THSD7A: variants seen among roughly 807,000 people sequenced by gnomAD.
The protein encoded by THSD7A is thrombospondin type-1 domain-containing protein 7A.
Under a neutral mutation model 231.3 loss-of-function variants are expected in THSD7A, and 96 were observed. That is an observed-to-expected ratio of 0.41 (90% CI 0.35 to 0.49). The LOEUF (loss-of-function observed/expected upper bound fraction) is 0.49. Ranked by LOEUF, THSD7A falls within the 20% of genes least tolerant of loss-of-function variation. THSD7A has a pLI of 0.05. For missense variants in THSD7A, 2,290 were observed against 2,070.2 expected, an observed-to-expected ratio of 1.11 and a Z score of -2.06; for synonymous variants, 940 against 743.3, an observed-to-expected ratio of 1.26 and a Z score of -4.30.
intron 6 of THSD7A, among the ~76,000 whole-genome samples, chr7:11,509,618 G>C (rs549778224): frequency 2.8e-4 from 42 of 151,324 alleles, no homozygotes; most frequent in African/African-American, 9.9e-4. Context: ...GGATCACGAG[G>C]TCAGGAGATC....
chr7:11,712,274 C>T (rs1263093532), intron 1 of THSD7A, among the ~76,000 whole-genome samples: 2 of 150,994 alleles, frequency 1.3e-5, no homozygotes, highest in Non-Finnish European at 3.0e-5. Context: ...GTAATAAACA[C>T]TCATATTACA....
intron 2 of THSD7A, among the ~76,000 whole-genome samples, chr7:11,605,842 G>A (rs2128346678): frequency 6.6e-6 from 1 of 152,204 alleles, no homozygotes; most frequent in East Asian, 1.9e-4. Flanking sequence ...GTGGCTACAG[G>A]AAGCTATGTT....
intron 1 of THSD7A, among the ~76,000 whole-genome samples, chr7:11,650,550 C>T (rs1249031179): frequency 6.6e-6 from 1 of 152,018 alleles, no homozygotes; most frequent in Admixed American, 6.6e-5. Flanking sequence ...AACATTAATT[C>T]CCTCACAACT....
In THSD7A at chr7:11,716,466, C is replaced by T. The variant is rs189542790; in HGVS notation, c.191-79505G>A. On this transcript the variant is annotated intron_variant, in intron 1 of 27. Coordinates refer to ENST00000423059, the MANE Select transcript of THSD7A (RefSeq NM_015204.3). ...GCTCTGTGGTCCTGGCAGACATCCA[C>T]ATTCCTTTAAGCCACAGATTCCTGC... 1.0e-3 allele frequency among the ~76,000 whole-genome samples: 158 copies of T among 151,774 alleles called. 2 individuals carry two copies. Among genetic ancestry groups the T allele is most frequent in the African/African-American group, 3.5e-3 (147 of 41,502 alleles).
chr7:11,830,550 T>A (rs1162805338), intron 1 of THSD7A, among the ~76,000 whole-genome samples: 1 of 152,244 alleles, frequency 6.6e-6, no homozygotes, highest in East Asian at 1.9e-4. Context: ...GCAAGAATAA[T>A]CTTGCTTTTT....
At chr7:11,422,806 C>T (rs1784194148) in intron 16 of THSD7A, among the ~76,000 whole-genome samples, 1 of 152,030 alleles carries the variant, frequency 6.6e-6, no homozygotes. Context: ...GTGCATGCCA[C>T]CATGTGCAGC....
At chr7:11,432,110 C>T (rs573877964) in intron 13 of THSD7A, among the ~76,000 whole-genome samples, 5 of 152,128 alleles carry the variant, frequency 3.3e-5, no homozygotes, top group Non-Finnish European at 5.9e-5. Flanking sequence ...CATAAATTAT[C>T]TGAGACACAT....
At chr7:11,563,187 C>G (rs984901165) in intron 4 of THSD7A, among the ~76,000 whole-genome samples, 4 of 117,406 alleles carry the variant, frequency 3.4e-5, no homozygotes, top group Non-Finnish European at 5.6e-5. Context: ...GACATAAACC[C>G]CATCATACTT....
intron 13 of THSD7A, among the ~76,000 whole-genome samples, chr7:11,431,525 A>G (rs1373936669): frequency 1.3e-5 from 2 of 152,118 alleles, no homozygotes; most frequent in African/African-American, 4.8e-5. Flanking sequence ...TTATTTTTGA[A>G]CTGTAAATTC....
chr7:11,654,600 T>C (rs1782639265), intron 1 of THSD7A, among the ~76,000 whole-genome samples: 4 of 151,994 alleles, frequency 2.6e-5, no homozygotes, highest in African/African-American at 7.2e-5. Flanking sequence ...TCTCCTTCGA[T>C]ATTAAATTTC....
chr7:11,454,006 G>C (rs1785225677), intron 11 of THSD7A, among the ~76,000 whole-genome samples: 1 of 151,950 alleles, frequency 6.6e-6, no homozygotes, highest in African/African-American at 2.4e-5. Context: ...AATATGAACA[G>C]AGAGAAAAGA....
intron 13 of THSD7A, among the ~76,000 whole-genome samples, chr7:11,443,100 T>A (rs1329494421): frequency 1.3e-5 from 2 of 152,120 alleles, no homozygotes; most frequent in Non-Finnish European, 2.9e-5. Flanking sequence ...TAAGATTGAC[T>A]GAAGTGGCTT....
At chr7:11,645,490 A>T (rs139552206) in intron 1 of THSD7A, among the ~76,000 whole-genome samples, 252 of 151,978 alleles carry the variant, frequency 1.7e-3, no homozygotes, top group African/African-American at 5.7e-3. Context: ...ATCTTCTTAT[A>T]GATTTATTTT....
chr7:11,823,149 C>G (rs1248949750), intron 1 of THSD7A, among the ~76,000 whole-genome samples: 1 of 151,954 alleles, frequency 6.6e-6, no homozygotes, highest in Non-Finnish European at 1.5e-5. Flanking sequence ...AGATAGGGGT[C>G]TAGTTTCATT....
intron 1 of THSD7A, among the ~76,000 whole-genome samples, chr7:11,822,445 C>G (rs1244381806): frequency 6.6e-6 from 1 of 151,990 alleles, no homozygotes; most frequent in Non-Finnish European, 1.5e-5. Context: ...ATTGTCCATT[C>G]TTCTGTTGAT....
At chr7:11,610,656 A>G (rs1334011938) in intron 2 of THSD7A, among the ~76,000 whole-genome samples, 6 of 152,122 alleles carry the variant, frequency 3.9e-5, no homozygotes, top group Non-Finnish European at 8.8e-5. Flanking sequence ...TCTATTTACT[A>G]TTCTATAATG....
chr7:11,419,089 G>T (rs1327254574), intron 16 of THSD7A, among the ~76,000 whole-genome samples: 2 of 152,166 alleles, frequency 1.3e-5, no homozygotes, highest in Non-Finnish European at 2.9e-5. Context: ...TGAGTAGGTG[G>T]TGTCACTATA....
At chr7:11,778,641 T>A (rs1277402725) in intron 1 of THSD7A, among the ~76,000 whole-genome samples, 1 of 152,142 alleles carries the variant, frequency 6.6e-6, no homozygotes, top group Non-Finnish European at 1.5e-5. Flanking sequence ...TTAGAAGTAT[T>A]AAGATTAATA....
At chr7:11,602,877 G>A (rs916098665) in intron 2 of THSD7A, among the ~76,000 whole-genome samples, 3 of 150,668 alleles carry the variant, frequency 2.0e-5, no homozygotes, top group East Asian at 2.0e-4. Flanking sequence ...TAGGTCTAAC[G>A]TTGATGGATT....
Sources: gnomAD v4.1 joint callset for allele counts (sites outside exome capture counted in the v4.1 genomes callset) on GRCh38, gnomAD v4.1.1 for gene constraint, MANE v1.5 for transcripts, NCBI Gene and HGNC (gene_info 2026-07-23, HGNC 2026-07-21) for gene names.